Variants in COL6A3 observed in about 807,000 individuals in gnomAD.
COL6A3 encodes the protein collagen alpha-3(VI) chain.
Under a neutral mutation model 274.1 loss-of-function variants are expected in COL6A3, and 137 were observed. The ratio of observed to expected loss-of-function variants is 0.50; its 90% CI spans 0.44 to 0.58. The LOEUF is 0.58. Among genes scored for constraint, COL6A3 ranks in the 20% least tolerant of loss-of-function variants. The pLI, the probability that COL6A3 is intolerant of heterozygous loss-of-function variation, is 0.00. For missense variants in COL6A3, 3,950 were observed against 4,124.9 expected (o/e 0.96, Z 1.16); for synonymous variants, 1,650 against 1,650.6 (o/e 1.00, Z 0.01).
intron 16 of COL6A3, 110 bp from the exon 17 acceptor site, chr2:237,360,269 G>A (rs1394263646): frequency 1.8e-6 from 2 of 1,100,304 alleles, no homozygotes; most frequent in African/African-American, 1.5e-5. Context: ...GCAGAAAGCA[G>A]ATTTCACCAT....
At chr2:237,329,482 A>G (rs529415953) in intron 42 of COL6A3, 23 of 152,358 alleles carry the variant, frequency 1.5e-4, no homozygotes, top group African/African-American at 5.0e-4. Context: ...TAACCCACAC[A>G]TGACAACTAA....
chr2:237,342,048 T>C lies in COL6A3; in HGVS notation c.7765+17A>G, dbSNP rs761150742. On this transcript the variant is annotated intron_variant, in intron 37 of 43. Coordinates refer to ENST00000295550, the MANE Select transcript of COL6A3 (RefSeq NM_004369.4). ...AATTGCAGCTGAGCAGATCTTCCTGTTAGAGAAACAGCTTACCCAAGCAAA... is the reference window on the plus strand; with the variant it reads ...AATTGCAGCTGAGCAGATCTTCCTGCTAGAGAAACAGCTTACCCAAGCAAA... 1 of 1,609,200 alleles carries C rather than the reference T, an allele frequency of 6.2e-7. No individual in the cohort carries two copies. Among genetic ancestry groups the C allele is most frequent in the Admixed American group, 1.7e-5 (1 of 59,986 alleles).
chr2:237,387,807 G>C lies in COL6A3; in HGVS notation c.1087C>G (p.Arg363Gly), dbSNP rs759280111. The change falls in exon 4 of 44, where the codon CGC (arginine) becomes GGC (glycine). Residue 363 changes from arginine to glycine, a missense_variant. Coordinates refer to ENST00000295550, the MANE Select transcript of COL6A3 (RefSeq NM_004369.4). ...TGCTTCAGTGCTACCACCCCGTAGC[G>C]AATCTCGTCACTAGAAGGCCCGGCA... ...ISAGPSSDEI[R>G]YGVVALKQAS... 6.2e-7 allele frequency: 1 copy of C among 1,614,140 alleles called. No homozygotes were observed. The highest frequency in any genetic ancestry group is 1.1e-5 in the South Asian group (1 of 91,070).
chr2:237,373,789 C>A (rs1250503148), intron 8 of COL6A3, among the ~76,000 whole-genome samples: 3 of 152,080 alleles, frequency 2.0e-5, no homozygotes, highest in African/African-American at 7.2e-5. Context: ...TCCTTCTCAG[C>A]ACCAGGGCTC....
Position 237,374,312 on chromosome 2 carries a change from G to A in COL6A3, c.3679+100C>T. 6.5e-7 allele frequency: 1 copy of A among 1,546,614 alleles called. No individual in the cohort carries two copies. ...TGTAATTTTAGTTTTCACTTCACAT[G>A]GCAGGAAAAGCAAAATTGAGAACAC... is the stretch of plus-strand genomic sequence containing the variant. On this transcript the variant is annotated intron_variant, in intron 8 of 43. Coordinates refer to ENST00000295550, the MANE Select transcript of COL6A3 (RefSeq NM_004369.4). The surrounding 1 kb of genome is among the most constrained non-coding windows in gnomAD (Gnocchi z 4.8).
Position 237,396,750 on chromosome 2 carries a change from G to C in COL6A3, c.68C>G (p.Thr23Ser). 1 of 1,614,162 alleles carries C rather than the reference G, an allele frequency of 6.2e-7. No individual in the cohort carries two copies. Among genetic ancestry groups the C allele is most frequent in the Non-Finnish European group, 8.5e-7 (1 of 1,180,010 alleles). Residue 23 changes from threonine (T) to serine (S), a missense_variant, in exon 2 of 44, where the codon ACT becomes AGT. Physicochemically the swap from Thr to Ser is moderately conservative, Grantham distance 58 (BLOSUM62 1). Coordinates refer to ENST00000295550, the MANE Select transcript of COL6A3 (RefSeq NM_004369.4). ...FCLFLSGFPT[T>S]HAQQQQADVK... is the part of the protein sequence containing the mutation. ...ACCTGCTTGCTGCTGCTGGGCATGAGTTGTAGGAAAGCCTGAGAGAAAGAG... is the reference window on the plus strand; with the variant it reads ...ACCTGCTTGCTGCTGCTGGGCATGACTTGTAGGAAAGCCTGAGAGAAAGAG...
rs777282155 is a variant in COL6A3, at chr2:237,340,713, C to T, written c.8203G>A (p.Asp2735Asn). The T allele has an allele frequency of 6.2e-7, 1 of 1,614,202 alleles. No individual in the cohort carries two copies. The highest frequency in any genetic ancestry group is 8.5e-7 in the Non-Finnish European group (1 of 1,180,044). ...NVFESAPNPR[D>N]LKIVVLMLTG... is the part of the protein sequence containing the mutation. ...AGCATCAGGACCACAATTTTCAGGT[C>T]CCGTGGGTTTGGGGCACTTTCAAAG... The change falls in exon 38 of 44, where the codon GAC becomes AAC. Residue 2735 changes from aspartate (D) to asparagine (N), a missense_variant. Asp to Asn is a conservative substitution (Grantham distance 23). This residue lies in a region of COL6A3 where 1,284 missense variants were observed against 1,349.7 expected (regional missense o/e 0.95). Coordinates refer to ENST00000295550, the MANE Select transcript of COL6A3 (RefSeq NM_004369.4).
intron 4 of COL6A3, among the ~76,000 whole-genome samples, chr2:237,384,707 C>T (rs967846664): frequency 1.5e-4 from 23 of 152,252 alleles, no homozygotes; most frequent in African/African-American, 5.5e-4. Context: ...TCTGCCACTG[C>T]CTCCAAGGCC....
In COL6A3 at chr2:237,387,857, A is replaced by G; in HGVS notation, c.1037T>C (p.Val346Ala). ...RAGGSRVEEG[V>A]PQVLVLISAG... ...ACTTATGAGGACCAGCACCTGGGGAACCCCTTCCTCCACGCGGCTGCCCCC... is the reference window on the plus strand; with the variant it reads ...ACTTATGAGGACCAGCACCTGGGGAGCCCCTTCCTCCACGCGGCTGCCCCC... Residue 346 changes from valine (V) to alanine (A), a missense_variant, in exon 4 of 44, where the codon GTT (valine) becomes GCT (alanine). Coordinates refer to ENST00000295550, the MANE Select transcript of COL6A3 (RefSeq NM_004369.4). The G allele has an allele frequency of 6.2e-7, 1 of 1,614,064 alleles. No individual in the cohort carries two copies. Among genetic ancestry groups the G allele is most frequent in the Non-Finnish European group, 8.5e-7 (1 of 1,180,010 alleles).
chr2:237,396,391 G>A (rs1298818814), intron 2 of COL6A3, among the ~76,000 whole-genome samples: 1 of 152,148 alleles, frequency 6.6e-6, no homozygotes. Flanking sequence ...TGTGCTCAGA[G>A]ACCAGCCAAT....
Position 237,364,793 on chromosome 2 carries a change from TTGTGTGTGCATGTGTGTGCACGTG to T in COL6A3, c.5839-389_5839-366del, listed in dbSNP as rs1181647767. Among the ~76,000 whole-genome samples, 1 of 150,766 alleles carries T rather than the reference TTGTGTGTGCATGTGTGTGCACGTG, an allele frequency of 6.6e-6. No individual in the cohort carries two copies. Among genetic ancestry groups the T allele is most frequent in the East Asian group, 2.0e-4 (1 of 5,082 alleles). On this transcript the variant is annotated intron_variant, in intron 12 of 43. Coordinates refer to ENST00000295550, the MANE Select transcript of COL6A3 (RefSeq NM_004369.4). The surrounding 1 kb of genome is among the most constrained non-coding windows in gnomAD (Gnocchi z 4.6). The stretch of plus-strand genomic sequence containing the variant: ...GTACATATGTGTGTGTATGGGTGCA[TTGTGTGTGCATGTGTGTGCACGTG>T]TGTGTGCATGTGTGGGTGTGTGGGT...
chr2:237,341,543 TAAAAAAAAAAAAAA>T (rs71039760), intron 37 of COL6A3, among the ~76,000 whole-genome samples: 1 of 49,098 alleles, frequency 2.0e-5, no homozygotes, highest in Admixed American at 2.8e-4. Context: ...AGACTCTGTC[TAAAAAAAAAAAAAA>T]AAAAAAAAAA....
Position 237,344,518 on chromosome 2 carries a change from C to T in COL6A3, c.7500G>A (p.Lys2500=), listed in dbSNP as rs1198324149. 1 of 1,614,202 alleles carries T rather than the reference C, an allele frequency of 6.2e-7. No homozygotes were observed. Among genetic ancestry groups the T allele is most frequent in the South Asian group, 1.1e-5 (1 of 91,078 alleles). The change falls in exon 36 of 44, where the codon AAG becomes AAA. Residue 2500 remains lysine (K), a synonymous_variant. Transcript: ENST00000295550. This position sits in a 1 kb window ranked among gnomAD's most constrained non-coding sequence, Gnocchi z 4.8. ...AMSFVARNTF[K]RVRNGFLMRK... The stretch of plus-strand genomic sequence containing the variant: ...TCATTAGGAATCCGTTCCTCACACG[C>T]TTAAATGTGTTCCTGGCCACAAACG...
At position 237,352,551 on chromosome 2, in the gene COL6A3, T is replaced by C; in HGVS notation, c.6724A>G (p.Ile2242Val). ...GGTCCAGAAATGCCTTGTTCTCCTA[T>C]CAGCCCTGGAGGACCAGCAGGACCA... The part of the protein sequence containing the change: ...PAGPAGPPGL[I>V]GEQGISGPRG... The change falls in exon 26 of 44, where the codon ATA becomes GTA. Residue 2242 changes from isoleucine (I) to valine (V), a missense_variant. Transcript: ENST00000295550. 1 of 1,613,570 alleles carries C rather than the reference T, an allele frequency of 6.2e-7. No homozygotes were observed.
chr2:237,366,883 C>T lies in COL6A3; in HGVS notation c.5304G>A (p.Gln1768=). 1 of 1,614,256 alleles carries T rather than the reference C, an allele frequency of 6.2e-7. No homozygotes were observed. Among genetic ancestry groups the T allele is most frequent in the Non-Finnish European group, 8.5e-7 (1 of 1,180,044 alleles). ...CAACAGCAAACACTTTGACCCCCCT[C>T]TGGGTGAGGGCCAGGCTCACATCCT... ...DAQDVSLALT[Q]RGVKVFAVGV... The change falls in exon 11 of 44, where the codon CAG becomes CAA. Residue 1768 remains glutamine, a synonymous_variant. Transcript: ENST00000295550.
At chr2:237,411,805 C>T (rs2078862746) in intron 1 of COL6A3, among the ~76,000 whole-genome samples, 1 of 152,202 alleles carries the variant, frequency 6.6e-6, no homozygotes, top group South Asian at 2.1e-4. Context: ...TGGACATTTG[C>T]CACATGTCCC....
At chr2:237,338,950 G>A (rs1700686537) in intron 39 of COL6A3, 65 bp downstream of exon 39, 7 of 1,272,720 alleles carry the variant, frequency 5.5e-6, no homozygotes, top group South Asian at 2.4e-5. Context: ...GTCAGGAGGT[G>A]GTTGGAGGAC....
At chr2:237,397,446 A>C (rs1250891431) in intron 1 of COL6A3, among the ~76,000 whole-genome samples, 2 of 140,164 alleles carry the variant, frequency 1.4e-5, no homozygotes, top group East Asian at 4.9e-4. Context: ...AAAGAAAGAA[A>C]GAGAGAAAGA....
chr2:237,403,367 T>G (rs1321850697), intron 1 of COL6A3, among the ~76,000 whole-genome samples: 2 of 152,014 alleles, frequency 1.3e-5, no homozygotes, highest in Non-Finnish European at 2.9e-5. Flanking sequence ...CCAAAGAAAG[T>G]CAACAAAAAG....
Sources: gnomAD v4.1 joint callset for allele counts (sites outside exome capture counted in the v4.1 genomes callset) on GRCh38, gnomAD v4.1.1 for gene constraint, gnomAD v4.1.1 regional missense constraint, Gnocchi (gnomAD v3.1) non-coding constraint, MANE v1.5 for transcripts, NCBI Gene and HGNC (gene_info 2026-07-23, HGNC 2026-07-21) for gene names.